The following AMOTL2 variants were observed in gnomAD, a reference collection of about 807,000 sequenced individuals.
AMOTL2 encodes angiomotin-like protein 2.
Under a neutral mutation model 78.4 loss-of-function variants are expected in AMOTL2, and 33 were observed. The observed-to-expected ratio is 0.42, with a 90% CI of 0.32 to 0.56. The LOEUF (loss-of-function observed/expected upper bound fraction) is 0.56. Ranked by LOEUF, AMOTL2 falls within the 20% of genes least tolerant of loss-of-function variation. AMOTL2 has a pLI of 0.12. For missense variants in AMOTL2, 983 were observed against 1,030.1 expected (o/e 0.95, Z 0.63); for synonymous variants, 422 against 428.8 (o/e 0.98, Z 0.20).
At chr3:134,369,034 C>T (rs974335707) in intron 2 of AMOTL2, among the ~76,000 whole-genome samples, 2 of 152,164 alleles carry the variant, frequency 1.3e-5, no homozygotes, top group African/African-American at 2.4e-5. Flanking sequence ...CCAGCCTGCC[C>T]CTGACTCTTG....
In AMOTL2 at chr3:134,356,396, T is replaced by C. The variant is rs142371003; in HGVS notation, c.*1309A>G. On this transcript the variant is annotated 3_prime_UTR_variant, in exon 10 of 10. Coordinates refer to ENST00000249883, the MANE Select transcript of AMOTL2 (RefSeq NM_016201.4). ...CCACCAATAGCTCCTGGGGCTGAAG[T>C]GAGGGACTCTTTAAGACCAGAAGTC... 5.6e-3 allele frequency: 854 copies of C among 152,602 alleles called. 18 individuals carry two copies. The highest frequency in any genetic ancestry group is 0.039 in the Admixed American group (601 of 15,300). 9.5% of individuals were successfully genotyped at this position (152,602 alleles called of 1,614,324 possible).
At chr3:134,375,213 G>C (rs948685310), upstream of AMOTL2, 43 of 1,535,582 alleles carry the variant, frequency 2.8e-5, no homozygotes, top group Non-Finnish European at 3.1e-5. Context: ...GCCGCCAGGC[G>C]CTCTGTCCAG....
Position 134,372,558 on chromosome 3 carries a change from A to ACAC in AMOTL2, c.-61-1065_-61-1064insGTG, listed in dbSNP as rs1553723538. 6.9e-4 allele frequency among the ~76,000 whole-genome samples: 32 copies of ACAC among 46,612 alleles called. 1 individual carries two copies. Among genetic ancestry groups the ACAC allele is most frequent in the African/African-American group, 3.0e-3 (31 of 10,308 alleles). The allele number at this position is 46,612 out of a possible 152,430, so 30.6% of individuals were successfully genotyped here. A position where few individuals can be genotyped will look rare whatever the true frequency, so the allele number is the denominator to read the frequency against. On this transcript the variant is annotated intron_variant, in intron 1 of 9. Coordinates refer to ENST00000249883, the MANE Select transcript of AMOTL2 (RefSeq NM_016201.4). Reference sequence around the variant, plus strand: ...ACACACACACACACACACACACACAAACACACACACACGCTACTTGGAAAA... The same window carrying ACAC: ...ACACACACACACACACACACACACAACACACACACACACACGCTACTTGGAAAA...
intron 3 of AMOTL2, chr3:134,366,639 C>T (rs1285206691): frequency 3.8e-6 from 2 of 520,000 alleles, no homozygotes; most frequent in Non-Finnish European, 6.7e-6. Flanking sequence ...GTCCCATCGG[C>T]TGCCCCAAGG....
intron 6 of AMOTL2, among the ~76,000 whole-genome samples, chr3:134,360,768 ACT>A (rs1406112071): frequency 2.0e-5 from 3 of 152,050 alleles, no homozygotes; most frequent in Admixed American, 6.5e-5. Context: ...TGGAGAAATA[ACT>A]CTATTTGGTT....
intron 3 of AMOTL2, chr3:134,366,680 A>G (rs1378388544): frequency 4.9e-6 from 2 of 407,140 alleles, no homozygotes; most frequent in Admixed American, 8.6e-5. Context: ...AGGGCCAGGT[A>G]CTTTGGAAGT....
At position 134,360,354 on chromosome 3, in the gene AMOTL2, G is replaced by A. The variant is rs2017301427; in HGVS notation, c.1635C>T (p.Ala545=). The change falls in exon 7 of 10, where the codon GCC becomes GCT. Residue 545 remains alanine (A), a synonymous_variant. Transcript: ENST00000249883. ...CTCGCAGTTGTTCTGACAGTCGCAG[G>A]GCGCTGAGCTCTGGAGACCCACCAC... ...SGSGGSPELS[A]LRLSEQLREK... The A allele has an allele frequency of 6.2e-7, 1 of 1,613,978 alleles. No homozygotes were observed. The highest frequency in any genetic ancestry group is 8.5e-7 in the Non-Finnish European group (1 of 1,180,048).
chr3:134,372,427 T>A (rs1258958313), intron 1 of AMOTL2, among the ~76,000 whole-genome samples: 1 of 99,390 alleles, frequency 1.0e-5, no homozygotes, highest in Non-Finnish European at 1.9e-5. Context: ...GTGCCACCCA[T>A]TAAGGTTAGT....
At chr3:134,366,233 A>C in intron 4 of AMOTL2, 50 bp downstream of exon 4, 9 of 1,429,044 alleles carry the variant, frequency 6.3e-6, no homozygotes, top group Non-Finnish European at 8.5e-6. Flanking sequence ...CAAAAGAAGT[A>C]AGTCCTCTGC....
chr3:134,360,518 G>A (rs1314455036), intron 6 of AMOTL2, 105 bp from the exon 7 acceptor site: 2 of 954,358 alleles, frequency 2.1e-6, no homozygotes, highest in African/African-American at 3.2e-5. Flanking sequence ...TACGTGTTCA[G>A]CCATACACAG....
At chr3:134,364,968 C>T (rs1198749054) in intron 5 of AMOTL2, among the ~76,000 whole-genome samples, 1 of 152,110 alleles carries the variant, frequency 6.6e-6, no homozygotes, top group African/African-American at 2.4e-5. Flanking sequence ...TGCCACCCAC[C>T]CCATGTACCT....
intron 1 of AMOTL2, among the ~76,000 whole-genome samples, chr3:134,372,948 T>C (rs922709794): frequency 2.5e-5 from 1 of 39,266 alleles, no homozygotes; most frequent in South Asian, 1.1e-3. Context: ...GTTGGGGGGG[T>C]GGGTGGGAGG....
rs1209975338 is a variant in AMOTL2 at position 134,371,173 on chromosome 3, T to C, written c.261A>G (p.Ala87=). The C allele has an allele frequency of 1.2e-6, 2 of 1,613,920 alleles. No individual in the cohort carries two copies. Residue 87 remains alanine (A), a synonymous_variant, in exon 2 of 10, where the codon GCA becomes GCG. Coordinates refer to ENST00000249883, the MANE Select transcript of AMOTL2 (RefSeq NM_016201.4). ...GGCATAGCCGGTAGAGGGTGTTCTC[T>C]GCCAGGTGGTTCTCACCGCCCTGGT... ...QEHQGGENHL[A]ENTLYRLCPQ...
intron 2 of AMOTL2, among the ~76,000 whole-genome samples, chr3:134,369,238 T>C (rs566886678): frequency 6.6e-6 from 1 of 152,306 alleles, no homozygotes; most frequent in African/African-American, 2.4e-5. Flanking sequence ...AAACTCTCCA[T>C]TCCACTGCTA....
intron 2 of AMOTL2, among the ~76,000 whole-genome samples, chr3:134,368,557 G>C (rs2017710234): frequency 6.6e-6 from 1 of 152,180 alleles, no homozygotes; most frequent in Non-Finnish European, 1.5e-5. Context: ...TTGCTCTGTT[G>C]CATCATGAGG....
chr3:134,370,834 AG>A lies in AMOTL2; in HGVS notation c.599del (p.Pro200LeufsTer19), dbSNP rs756346527. ...GTCCTCGGGACTCTGGGCCCTCAGC[AG>A]GGGGGCCCCTCAGTGGGGGGCCCTG... ...NQQGPPLRGP[P>X]AEGPESRGPP... On this transcript the variant is annotated frameshift_variant, in exon 2 of 10. Coordinates refer to ENST00000249883, the MANE Select transcript of AMOTL2 (RefSeq NM_016201.4). LOFTEE classifies it high-confidence loss of function. 3.1e-6 allele frequency: 5 copies of A among 1,592,494 alleles called. No homozygotes were observed. The highest frequency in any genetic ancestry group is 3.4e-6 in the Non-Finnish European group (4 of 1,167,722).
chr3:134,369,516 G>A (rs1317334677), intron 2 of AMOTL2, among the ~76,000 whole-genome samples: 9 of 152,178 alleles, frequency 5.9e-5, no homozygotes, highest in Non-Finnish European at 1.3e-4. Context: ...CTCAGCTTCC[G>A]AAACTCTTCC....
intron 6 of AMOTL2, among the ~76,000 whole-genome samples, chr3:134,361,126 G>A (rs186085564): frequency 1.2e-4 from 19 of 152,050 alleles, no homozygotes; most frequent in Admixed American, 3.9e-4. Flanking sequence ...GTGAGCGTTC[G>A]CGCCACTGCA....
chr3:134,358,627 C>T lies in AMOTL2; in HGVS notation c.2197G>A (p.Gly733Ser), dbSNP rs750045278. 7.4e-6 allele frequency: 12 copies of T among 1,613,762 alleles called. No homozygotes were observed. The Middle Eastern group carries it at 4.9e-4, about 66-fold the overall frequency. ...GSRDGSTQTE[G>S]PPDSTSTCLP... ...CAGGTGGAGGTGCTGTCTGGGGGGC[C>T]CTCAGTCTGGGTGCTCCCATCTCTG... Residue 733 changes from glycine (G) to serine (S), a missense_variant, in exon 9 of 10, where the codon GGC becomes AGC. Gly to Ser is a moderately conservative substitution (Grantham distance 56). Coordinates refer to ENST00000249883, the MANE Select transcript of AMOTL2 (RefSeq NM_016201.4).
Sources: gnomAD v4.1 joint callset for allele counts (sites outside exome capture counted in the v4.1 genomes callset) on GRCh38, gnomAD v4.1.1 for gene constraint, MANE v1.5 for transcripts, NCBI Gene and HGNC (gene_info 2026-07-23, HGNC 2026-07-21) for gene names.